The following TENM1 variants were observed in gnomAD, a reference collection of about 807,000 sequenced individuals.
TENM1 encodes the protein teneurin transmembrane protein 1.
Under a neutral mutation model 174.8 loss-of-function variants are expected in TENM1, and 35 were observed. The ratio of observed to expected loss-of-function variants is 0.20; its 90% CI spans 0.15 to 0.27. The LOEUF is 0.27. Ranked by LOEUF, TENM1 falls within the 10% of genes least tolerant of loss-of-function variation. TENM1 has a pLI of 1.00. For synonymous variants in TENM1, 781 were observed against 798.7 expected (o/e 0.98, Z 0.37); for missense variants, 1,633 against 2,130.1 (o/e 0.77, Z 4.59).
chrX:125,203,172 G>C, the TENM1 span, among the ~76,000 whole-genome samples: 1 of 112,962 alleles, frequency 8.9e-6, no homozygotes, highest in Non-Finnish European at 1.9e-5. Flanking sequence ...GTTCCCCCGG[G>C]AACCCGGGCT....
chrX:124,486,363 A>T (rs1428720162), intron 21 of TENM1, among the ~76,000 whole-genome samples: 1 of 112,374 alleles, frequency 8.9e-6, no homozygotes, highest in African/African-American at 3.2e-5. Context: ...AATGTTTATA[A>T]TTAATACTGT....
chrX:124,536,696 G>GT (rs1325212834), intron 15 of TENM1, among the ~76,000 whole-genome samples: 1 of 111,696 alleles, frequency 9.0e-6, no homozygotes, highest in African/African-American at 3.2e-5. Flanking sequence ...TCAGGACTGC[G>GT]TAAGTGCCAG....
intron 3 of TENM1, among the ~76,000 whole-genome samples, chrX:124,864,575 A>G (rs1166739943): frequency 9.0e-6 from 1 of 111,631 alleles, no homozygotes; most frequent in African/African-American, 3.3e-5. Flanking sequence ...AACAAGAACA[A>G]AAACAAGAAC....
At chrX:124,970,641 T>C in the TENM1 span, among the ~76,000 whole-genome samples, 1 of 111,572 alleles carries the variant, frequency 9.0e-6, no homozygotes, top group Non-Finnish European at 1.9e-5. Context: ...AAACAACAGG[T>C]GCTGGAGAGG....
chrX:124,958,961 A>G (rs1053999555), intron 1 of TENM1, among the ~76,000 whole-genome samples: 1 of 111,018 alleles, frequency 9.0e-6, no homozygotes, highest in African/African-American at 3.3e-5. Flanking sequence ...AAAGGCATCT[A>G]GTACCGTACC....
chrX:124,427,951 G>T (rs752309770), intron 23 of TENM1, among the ~76,000 whole-genome samples: 2 of 69,671 alleles, frequency 2.9e-5, no homozygotes, highest in African/African-American at 8.5e-5. Context: ...TTCTTTTTTG[G>T]GGGGGTGGGA....
chrX:125,053,582 G>A, the TENM1 span, among the ~76,000 whole-genome samples: 12 of 112,080 alleles, frequency 1.1e-4, 1 homozygote, highest in Non-Finnish European at 2.3e-4. Context: ...GCTTATGGCT[G>A]ACCAGTGCTT....
rs146509052 is a variant in TENM1 at position 124,843,771 on chromosome X, G to C, written c.535+50525C>G. 6.9e-3 allele frequency among the ~76,000 whole-genome samples: 772 copies of C among 111,581 alleles called. 3 individuals are homozygous for C. The highest frequency in any genetic ancestry group is 0.024 in the African/African-American group (735 of 30,753). ...ATAACCCCACAGAATTCCTGATGCAGATTTCAGCTGGGCTTCACTACCTCT... is the reference window on the plus strand; with the variant it reads ...ATAACCCCACAGAATTCCTGATGCACATTTCAGCTGGGCTTCACTACCTCT... On this transcript the variant is annotated intron_variant, in intron 3 of 31. Coordinates refer to ENST00000422452, the Ensembl canonical transcript of TENM1.
At chrX:124,667,573 G>C (rs2051802605) in intron 6 of TENM1, among the ~76,000 whole-genome samples, 1 of 103,995 alleles carries the variant, frequency 9.6e-6, no homozygotes, top group African/African-American at 3.5e-5. Context: ...CTGGGCGACA[G>C]AGTGAGACTC....
At chrX:124,908,185 T>C (rs2057779076) in intron 1 of TENM1, among the ~76,000 whole-genome samples, 1 of 111,904 alleles carries the variant, frequency 8.9e-6, no homozygotes, top group South Asian at 3.7e-4. Context: ...TATTTTACTT[T>C]AAGTTCATGT....
chrX:124,388,079 C>T lies in TENM1; in HGVS notation c.5689-2015G>A, dbSNP rs1024947405. Among the ~76,000 whole-genome samples, 3 of 112,123 alleles carry T rather than the reference C, an allele frequency of 2.7e-5. No individual in the cohort carries two copies. The Admixed American group carries it at 2.8e-4, about 11-fold the overall frequency. ...TTGTGGAAAAGCTTTTGCATTATCT[C>T]TAGTCTGAAAGTCACATTTCTCAGT... On this transcript the variant is annotated intron_variant, in intron 28 of 31. Transcript: ENST00000422452.
At chrX:125,187,666 G>A in the TENM1 span, among the ~76,000 whole-genome samples, 1 of 110,901 alleles carries the variant, frequency 9.0e-6, no homozygotes, top group Non-Finnish European at 1.9e-5. Flanking sequence ...TGGGGGAAAG[G>A]GGACTACACA....
intron 25 of TENM1, among the ~76,000 whole-genome samples, chrX:124,414,185 G>T (rs1213994938): frequency 9.0e-6 from 1 of 111,731 alleles, no homozygotes; most frequent in Non-Finnish European, 1.9e-5. Context: ...AGAAGACGAA[G>T]GATCAAGAGA....
intron 6 of TENM1, among the ~76,000 whole-genome samples, chrX:124,662,087 T>G (rs2051616572): frequency 9.0e-6 from 1 of 111,147 alleles, no homozygotes; most frequent in Non-Finnish European, 1.9e-5. Flanking sequence ...TGCTGGGACT[T>G]TGGTCTTTTT....
the TENM1 span, among the ~76,000 whole-genome samples, chrX:125,143,013 T>C: frequency 8.9e-6 from 1 of 112,069 alleles, no homozygotes; most frequent in Admixed American, 9.5e-5. Flanking sequence ...ACCATCATCA[T>C]GGGATGCATA....
intron 3 of TENM1, among the ~76,000 whole-genome samples, chrX:124,773,639 G>C (rs1205502933): frequency 9.0e-6 from 1 of 111,158 alleles, no homozygotes; most frequent in Non-Finnish European, 1.9e-5. Flanking sequence ...GGCTAAGGTT[G>C]TCGAATTAGG....
chrX:124,405,671 T>G (rs1330838877), intron 26 of TENM1, among the ~76,000 whole-genome samples: 2 of 110,846 alleles, frequency 1.8e-5, no homozygotes, highest in African/African-American at 6.6e-5. Context: ...ACAGTTGCCG[T>G]ACTCCACAAA....
At chrX:124,665,742 G>A (rs190805648) in intron 6 of TENM1, among the ~76,000 whole-genome samples, 89 of 112,292 alleles carry the variant, frequency 7.9e-4, no homozygotes, top group Non-Finnish European at 1.1e-3. Context: ...AGCCTTAGCA[G>A]CTGCTGAGAG....
intron 18 of TENM1, among the ~76,000 whole-genome samples, chrX:124,506,028 G>A (rs376404081): frequency 1.8e-5 from 2 of 111,672 alleles, no homozygotes; most frequent in Non-Finnish European, 3.8e-5. Flanking sequence ...CACAGTTTCT[G>A]CTTCTCCTGC....
Sources: allele counts gnomAD v4.1 joint callset (sites outside exome capture counted in the v4.1 genomes callset), GRCh38; gene constraint gnomAD v4.1.1; transcripts MANE v1.5; gene names NCBI Gene and HGNC (gene_info 2026-07-23, HGNC 2026-07-21).